Variants in PXDNL observed in about 807,000 individuals in gnomAD.
PXDNL encodes peroxidasin like.
PXDNL carries 145 observed loss-of-function variants against 150.8 expected under a neutral mutation model. The observed-to-expected ratio is 0.96, with a 90% CI of 0.84 to 1.10. PXDNL has a LOEUF of 1.10. PXDNL is among the 50% of genes least tolerant of loss of function. The pLI, the probability that PXDNL is intolerant of heterozygous loss-of-function variation, is 0.00. For synonymous variants in PXDNL, 757 were observed against 725.7 expected, an observed-to-expected ratio of 1.04 and a Z score of -0.69; for missense variants, 2,087 against 1,873.9, an observed-to-expected ratio of 1.11 and a Z score of -2.10.
rs769391606 is a variant in PXDNL, at chr8:51,735,545, T to TGG, written c.164+73635_164+73636insCC. ...AAAATTGTTTTTTTTTTTTTTTTTT[T>TGG]TTTTTTTTTTTTTTTTTTTGAGACG... On this transcript the variant is annotated intron_variant, in intron 1 of 22. Coordinates refer to ENST00000356297, the MANE Select transcript of PXDNL (RefSeq NM_144651.5). 1.2e-4 allele frequency among the ~76,000 whole-genome samples: 14 copies of TGG among 115,702 alleles called. 1 individual carries two copies. The highest frequency in any genetic ancestry group is 4.6e-4 in the East Asian group (2 of 4,320). The allele number at this position is 115,702 out of a possible 152,430, so 75.9% of individuals were successfully genotyped here.
At chr8:51,610,661 G>C (rs80153252) in intron 2 of PXDNL, among the ~76,000 whole-genome samples, 1,794 of 152,190 alleles carry the variant, frequency 0.012, 18 homozygotes, top group South Asian at 0.027. Context: ...TCTGCTAAGC[G>C]TCTCACCAGG....
intron 1 of PXDNL, among the ~76,000 whole-genome samples, chr8:51,746,766 G>A (rs2036988441): frequency 6.6e-6 from 1 of 152,204 alleles, no homozygotes; most frequent in Admixed American, 6.5e-5. Context: ...CTGTGGCCCA[G>A]GCTGGAGTGC....
At chr8:51,449,210 G>C in intron 10 of PXDNL, 92 bp from the exon 11 acceptor site, 2 of 700,576 alleles carry the variant, frequency 2.9e-6, no homozygotes, top group Non-Finnish European at 4.9e-6. Flanking sequence ...AATATGTCAT[G>C]TGATCAGAAT....
intron 17 of PXDNL, among the ~76,000 whole-genome samples, chr8:51,375,545 C>T (rs1435791253): frequency 6.6e-6 from 1 of 152,166 alleles, no homozygotes; most frequent in East Asian, 1.9e-4. Context: ...ATATAGTATT[C>T]ATACTTCCTT....
rs114820638 is a variant in PXDNL at position 51,320,690 on chromosome 8, T to C, written c.4260+94A>G. 25 of 878,200 alleles carry C rather than the reference T, an allele frequency of 2.8e-5. 1 individual carries two copies. In the African/African-American group the frequency reaches 3.6e-4, roughly 13 times the overall value. The allele number at this position is 878,200 out of a possible 1,614,324, so 54.4% of individuals were successfully genotyped here. On this transcript the variant is annotated intron_variant, in intron 22 of 22. Coordinates refer to ENST00000356297, the MANE Select transcript of PXDNL (RefSeq NM_144651.5). The stretch of plus-strand genomic sequence containing the variant: ...ATGCCTAGAATCTATTGACATAAAA[T>C]ATATTTTTTCTCCTTTTGAATTTTT...
At chr8:51,372,750 G>T (rs1037161932) in intron 18 of PXDNL, among the ~76,000 whole-genome samples, 1 of 152,108 alleles carries the variant, frequency 6.6e-6, no homozygotes, top group African/African-American at 2.4e-5. Context: ...ACATTAACAC[G>T]TTTGCCTAAA....
intron 1 of PXDNL, among the ~76,000 whole-genome samples, chr8:51,701,501 A>G (rs1179159959): frequency 2.0e-5 from 3 of 152,188 alleles, no homozygotes; most frequent in African/African-American, 7.2e-5. Context: ...AGGCCAAAAA[A>G]TTACAGAACT....
At chr8:51,321,124 C>A in intron 21 of PXDNL, 1 of 432,624 alleles carries the variant, frequency 2.3e-6, no homozygotes, top group Non-Finnish European at 4.1e-6. Flanking sequence ...AAATATTGAA[C>A]ATGGACCTAG....
chr8:51,461,844 C>A (rs1810091995), intron 8 of PXDNL, among the ~76,000 whole-genome samples: 1 of 152,186 alleles, frequency 6.6e-6, no homozygotes, highest in South Asian at 2.1e-4. Context: ...CTGTCTCCCC[C>A]ACCCCTAGAG....
At chr8:51,474,337 G>T (rs1253388778) in intron 7 of PXDNL, among the ~76,000 whole-genome samples, 1 of 152,030 alleles carries the variant, frequency 6.6e-6, no homozygotes, top group Non-Finnish European at 1.5e-5. Flanking sequence ...CACATGAAAA[G>T]CTTTAAATGA....
chr8:51,557,853 C>T (rs1812630334), intron 3 of PXDNL, among the ~76,000 whole-genome samples: 1 of 152,126 alleles, frequency 6.6e-6, no homozygotes, highest in African/African-American at 2.4e-5. Flanking sequence ...CTATAATTTG[C>T]TTAGTTAAGC....
At chr8:51,773,266 T>C (rs1230542578) in intron 1 of PXDNL, among the ~76,000 whole-genome samples, 1 of 152,188 alleles carries the variant, frequency 6.6e-6, no homozygotes, top group Non-Finnish European at 1.5e-5. Context: ...CACGCTTCTT[T>C]TTTAAAAAAT....
chr8:51,497,942 A>G (rs1443592109), intron 5 of PXDNL, among the ~76,000 whole-genome samples: 1 of 152,200 alleles, frequency 6.6e-6, no homozygotes, highest in Non-Finnish European at 1.5e-5. Flanking sequence ...TATATACCCA[A>G]AGGATTATAA....
At chr8:51,715,864 A>G (rs1280975036) in intron 1 of PXDNL, among the ~76,000 whole-genome samples, 1 of 152,198 alleles carries the variant, frequency 6.6e-6, no homozygotes, top group East Asian at 1.9e-4. Flanking sequence ...TGTATTTCTC[A>G]TCAGGCACAG....
chr8:51,543,915 C>T (rs1191578597), intron 4 of PXDNL, among the ~76,000 whole-genome samples: 3 of 151,976 alleles, frequency 2.0e-5, no homozygotes, highest in Admixed American at 6.5e-5. Context: ...TATGTCAGCT[C>T]TATCAGTGAA....
intron 3 of PXDNL, among the ~76,000 whole-genome samples, chr8:51,565,321 A>AATAGATAGATAGATAGATAGATAGATAG (rs367721031): frequency 7.4e-6 from 1 of 135,532 alleles, no homozygotes; most frequent in Admixed American, 7.2e-5. Flanking sequence ...TAAATAAATA[A>AATAGATAGATAGATAGATAGATAGATAG]ATAGATAGAT....
intron 17 of PXDNL, among the ~76,000 whole-genome samples, chr8:51,403,088 C>CA (rs201970177): frequency 0.035 from 1,822 of 52,156 alleles, 25 homozygotes; most frequent in Non-Finnish European, 0.05. Flanking sequence ...ACTCCCTCTC[C>CA]AAAAAAAAAA....
chr8:51,395,157 G>A (rs1808041587), intron 17 of PXDNL, among the ~76,000 whole-genome samples: 1 of 152,242 alleles, frequency 6.6e-6, no homozygotes, highest in African/African-American at 2.4e-5. Flanking sequence ...GAGAGGGCCT[G>A]CAGGGTATTC....
At chr8:51,543,799 C>T (rs1309425334) in intron 4 of PXDNL, among the ~76,000 whole-genome samples, 1 of 149,412 alleles carries the variant, frequency 6.7e-6, no homozygotes, top group African/African-American at 2.5e-5. Flanking sequence ...ATATGAGGAA[C>T]ATGGCTAGAA....
Sources: gnomAD v4.1 joint callset for allele counts (sites outside exome capture counted in the v4.1 genomes callset) on GRCh38, gnomAD v4.1.1 for gene constraint, MANE v1.5 for transcripts, NCBI Gene and HGNC (gene_info 2026-07-23, HGNC 2026-07-21) for gene names.